The following NF1 variants were observed in gnomAD, a reference collection of about 807,000 sequenced individuals.
The protein encoded by NF1 is neurofibromin.
In NF1, 122 loss-of-function variants were observed where a neutral mutation model predicts 325.7. That is an observed-to-expected ratio of 0.37 (90% CI 0.32 to 0.44). The LOEUF (loss-of-function observed/expected upper bound fraction) is 0.44. Ranked by LOEUF, NF1 falls within the 20% of genes least tolerant of loss-of-function variation. NF1 has a pLI of 1.00. For missense variants in NF1, 2,140 were observed against 3,415.4 expected, an observed-to-expected ratio of 0.63 and a Z score of 9.31; for synonymous variants, 1,091 against 1,186.0, an observed-to-expected ratio of 0.92 and a Z score of 1.65.
chr17:31,367,428 T>A, intron 57 of NF1: 1 of 366,380 alleles, frequency 2.7e-6, no homozygotes, highest in Non-Finnish European at 5.2e-6. Flanking sequence ...CTTTATAAGG[T>A]CTTGGTACTT....
chr17:31,204,464 G>T (rs1193001121), intron 11 of NF1, among the ~76,000 whole-genome samples: 3 of 152,084 alleles, frequency 2.0e-5, no homozygotes, highest in Non-Finnish European at 4.4e-5. Flanking sequence ...ATTGACTGGT[G>T]TTCAGGAAGG....
chr17:31,123,137 A>G (rs947679897), intron 1 of NF1, among the ~76,000 whole-genome samples: 2 of 152,168 alleles, frequency 1.3e-5, no homozygotes, highest in African/African-American at 2.4e-5. Context: ...TGAAGCCTAC[A>G]TGGGAATCTT....
At chr17:31,225,905 G>C (rs2067004209) in intron 17 of NF1, among the ~76,000 whole-genome samples, 1 of 152,130 alleles carries the variant, frequency 6.6e-6, no homozygotes. Context: ...TCCATTTCGT[G>C]TTTGGAGAAT....
chr17:31,110,240 A>G (rs1340322488), intron 1 of NF1, among the ~76,000 whole-genome samples: 1 of 152,202 alleles, frequency 6.6e-6, no homozygotes, highest in African/African-American at 2.4e-5. Flanking sequence ...GATGAACTTT[A>G]AAAATCAATA....
chr17:31,326,249 T>TA lies in NF1; in HGVS notation c.5268dup (p.Val1757SerfsTer25). On this transcript the variant is annotated frameshift_variant, in exon 37 of 58. Coordinates refer to ENST00000358273, the MANE Select transcript of NF1 (RefSeq NM_001042492.3). LOFTEE classifies it high-confidence loss of function. ...CTCACAAAGACACCAAAGTTTCTAT[T>TA]AAAGTAAGTTCCAGTCTGTGTTTTG... is the stretch of plus-strand genomic sequence containing the variant. The TA allele has an allele frequency of 6.2e-7, 1 of 1,606,830 alleles. No homozygotes were observed.
intron 13 of NF1, among the ~76,000 whole-genome samples, chr17:31,216,795 A>ACTCT (rs1403987937): frequency 2.0e-5 from 3 of 151,814 alleles, no homozygotes; most frequent in Admixed American, 2.0e-4. Context: ...GTCTTCCTTT[A>ACTCT]CTCTATTCAT....
At chr17:31,277,955 G>A (rs2151481930) in intron 36 of NF1, among the ~76,000 whole-genome samples, 1 of 152,228 alleles carries the variant, frequency 6.6e-6, no homozygotes, top group East Asian at 1.9e-4. Context: ...CAAGCTGTAT[G>A]TACACTGTAT....
chr17:31,224,332 G>A (rs2066976719), intron 16 of NF1, among the ~76,000 whole-genome samples: 1 of 152,138 alleles, frequency 6.6e-6, no homozygotes, highest in Non-Finnish European at 1.5e-5. Context: ...CGGAGTACTT[G>A]ATTTAATGAG....
intron 1 of NF1, among the ~76,000 whole-genome samples, chr17:31,131,958 T>C (rs889629208): frequency 1.2e-4 from 18 of 152,030 alleles, no homozygotes; most frequent in African/African-American, 4.3e-4. Context: ...TGAGACAGGG[T>C]CTTACTCTGT....
At chr17:31,265,415 G>T in intron 36 of NF1, 76 bp downstream of exon 36, 1 of 1,049,084 alleles carries the variant, frequency 9.5e-7, no homozygotes, top group Non-Finnish European at 1.5e-6. Context: ...GGCAAGTTTG[G>T]TTTTTCCCAG....
chr17:31,295,586 A>C, intron 36 of NF1: 1 of 1,614,168 alleles, frequency 6.2e-7, no homozygotes, highest in Non-Finnish European at 8.5e-7. Context: ...AGTCCCTATC[A>C]CATGGGCTTT....
At chr17:31,148,242 T>C (rs141205391) in intron 1 of NF1, among the ~76,000 whole-genome samples, 127 of 152,338 alleles carry the variant, frequency 8.3e-4, no homozygotes, top group African/African-American at 3.0e-3. Flanking sequence ...ATATTTAATA[T>C]GTTTCAATAA....
At chr17:31,260,853 A>G (rs1264825436) in intron 34 of NF1, among the ~76,000 whole-genome samples, 2 of 152,188 alleles carry the variant, frequency 1.3e-5, no homozygotes, top group South Asian at 2.1e-4. Context: ...AGAACAGCCA[A>G]TTCGTAGGAA....
intron 4 of NF1, 98 bp downstream of exon 4, chr17:31,163,474 T>C (rs2065798176): frequency 8.9e-6 from 12 of 1,352,976 alleles, no homozygotes; most frequent in African/African-American, 1.5e-5. Flanking sequence ...GGAAATGAGG[T>C]TTTTTTGTTT....
intron 8 of NF1, among the ~76,000 whole-genome samples, chr17:31,186,025 C>T (rs776339683): frequency 6.6e-6 from 1 of 152,126 alleles, no homozygotes; most frequent in Non-Finnish European, 1.5e-5. Context: ...CTTCAAGTCA[C>T]CTTGTGACCT....
At chr17:31,232,933 A>G (rs2151435042) in intron 26 of NF1, 52 bp downstream of exon 26, 2 of 1,613,678 alleles carry the variant, frequency 1.2e-6, no homozygotes, top group South Asian at 2.2e-5. Context: ...GAGAACTGGC[A>G]TGTAAGAGAA....
rs367730383 is a variant in NF1 at position 31,358,650 on chromosome 17, G to C, written c.8113+28G>C. 2.2e-5 allele frequency: 36 copies of C among 1,613,594 alleles called. No individual in the cohort carries two copies. Among genetic ancestry groups the C allele is most frequent in the Admixed American group, 1.2e-4 (7 of 60,008 alleles). Reference sequence around the variant, plus strand: ...AAATAAATGTATCTGGAGAAGGATGGTTGATGAACTTGCTAACATGCGCGC... The same window carrying C: ...AAATAAATGTATCTGGAGAAGGATGCTTGATGAACTTGCTAACATGCGCGC... On this transcript the variant is annotated intron_variant, in intron 55 of 57. Coordinates refer to ENST00000358273, the MANE Select transcript of NF1 (RefSeq NM_001042492.3).
At chr17:31,166,129 T>C (rs2143688421) in intron 4 of NF1, among the ~76,000 whole-genome samples, 1 of 152,308 alleles carries the variant, frequency 6.6e-6, no homozygotes, top group South Asian at 2.1e-4. Flanking sequence ...TGTTTTGTAG[T>C]GAGAAGGTGC....
At chr17:31,209,946 CCTCTTTTAGCT>C (rs777201102) in intron 12 of NF1, among the ~76,000 whole-genome samples, 35 of 152,302 alleles carry the variant, frequency 2.3e-4, no homozygotes, top group Non-Finnish European at 4.9e-4. Context: ...CTGTGCCTGG[CCTCTTTTAGCT>C]CTCTTTAAAA....
Sources: allele counts gnomAD v4.1 joint callset (sites outside exome capture counted in the v4.1 genomes callset), GRCh38; gene constraint gnomAD v4.1.1; transcripts MANE v1.5; gene names NCBI Gene and HGNC (gene_info 2026-07-23, HGNC 2026-07-21).